DOCK4: variants seen among roughly 807,000 people sequenced by gnomAD.
DOCK4 encodes the protein dedicator of cytokinesis 4.
DOCK4 carries 97 observed loss-of-function variants against 268.1 expected under a neutral mutation model. The observed-to-expected ratio is 0.36, with a 90% CI of 0.31 to 0.43. The LOEUF is 0.43. DOCK4 is among the 20% of genes least tolerant of loss of function. The pLI, the probability that DOCK4 is intolerant of heterozygous loss-of-function variation, is 1.00. For missense variants in DOCK4, 2,145 were observed against 2,455.7 expected (o/e 0.87, Z 2.67); for synonymous variants, 954 against 887.2 (o/e 1.08, Z -1.34).
intron 1 of DOCK4, among the ~76,000 whole-genome samples, chr7:112,184,443 C>T (rs182493969): frequency 3.3e-5 from 5 of 152,318 alleles, no homozygotes; most frequent in Non-Finnish European, 7.3e-5. Context: ...CACCCAGGGG[C>T]ATTACAGTTT....
At chr7:112,031,710 T>C (rs1442996981) in intron 1 of DOCK4, among the ~76,000 whole-genome samples, 2 of 152,206 alleles carry the variant, frequency 1.3e-5, no homozygotes, top group African/African-American at 4.8e-5. Flanking sequence ...TTCAAATTAA[T>C]CTTATTGCCA....
chr7:111,951,756 C>T (rs1185997902), intron 8 of DOCK4, among the ~76,000 whole-genome samples: 2 of 151,590 alleles, frequency 1.3e-5, no homozygotes, highest in Non-Finnish European at 2.9e-5. Flanking sequence ...CCCAGCTACA[C>T]AGAAGGCTGA....
Position 112,050,646 on chromosome 7 carries a change from G to C in DOCK4, c.38-46515C>G, listed in dbSNP as rs1586721201. ...TTGGATTTCATTGAAGAGTCTGACA[G>C]AGAGAGAGAGAGAGATAGCAAGCGT... On this transcript the variant is annotated intron_variant, in intron 1 of 52. Transcript: ENST00000428084. Among the ~76,000 whole-genome samples the C allele has an allele frequency of 5.3e-5, 8 of 150,412 alleles. No homozygotes were observed. In the South Asian group the frequency reaches 1.7e-3, roughly 31 times the overall value.
chr7:111,783,857 C>T lies in DOCK4; in HGVS notation c.3524G>A (p.Arg1175Lys). ...TRLMERLLDY[R>K]DCMKMGEVDG... ...CAGAAAAACATGCGACTTGGCTTACCTGTAATCTAACAACCTCTCCATTAG... is the reference window on the plus strand; with the variant it reads ...CAGAAAAACATGCGACTTGGCTTACTTGTAATCTAACAACCTCTCCATTAG... Residue 1175 changes from arginine to lysine, a missense_variant and splice_region_variant, in exon 34 of 53, where the codon AGG (arginine) becomes AAG (lysine). Transcript: ENST00000428084. 3 of 1,597,542 alleles carry T rather than the reference C, an allele frequency of 1.9e-6. No individual in the cohort carries two copies. The highest frequency in any genetic ancestry group is 2.3e-5 in the South Asian group (2 of 88,104).
chr7:111,933,587 A>C (rs1014633088), intron 12 of DOCK4, among the ~76,000 whole-genome samples: 1 of 151,900 alleles, frequency 6.6e-6, no homozygotes, highest in African/African-American at 2.4e-5. Context: ...GAGCCACCGC[A>C]CCCAGCCGAG....
chr7:112,166,217 C>T (rs1817597855), intron 1 of DOCK4, among the ~76,000 whole-genome samples: 1 of 152,006 alleles, frequency 6.6e-6, no homozygotes, highest in African/African-American at 2.4e-5. Flanking sequence ...TAGAACTATG[C>T]CATTAAAGAA....
chr7:112,074,821 A>T (rs1305628511), intron 1 of DOCK4, among the ~76,000 whole-genome samples: 1 of 152,142 alleles, frequency 6.6e-6, no homozygotes, highest in African/African-American at 2.4e-5. Context: ...GCCCACAGGG[A>T]TCATCTTCTG....
intron 8 of DOCK4, among the ~76,000 whole-genome samples, chr7:111,946,994 T>A (rs1795673731): frequency 6.6e-6 from 1 of 152,198 alleles, no homozygotes; most frequent in South Asian, 2.1e-4. Context: ...CTTCAAATTT[T>A]AACTGAATTT....
chr7:111,916,717 C>T (rs557238874), intron 12 of DOCK4, among the ~76,000 whole-genome samples: 1 of 152,272 alleles, frequency 6.6e-6, no homozygotes, highest in South Asian at 2.1e-4. Context: ...TGTATGCATA[C>T]TCCAAAGATA....
chr7:111,868,349 G>GA (rs952167864), intron 21 of DOCK4, among the ~76,000 whole-genome samples, 195 bp from the exon 22 acceptor site: 27 of 151,726 alleles, frequency 1.8e-4, no homozygotes, highest in Middle Eastern at 3.2e-3. Flanking sequence ...CCTAATGAGA[G>GA]AAAAAAAATT....
chr7:111,736,864 A>T (rs1563428641), intron 50 of DOCK4, 53 bp downstream of exon 50: 1 of 1,480,686 alleles, frequency 6.8e-7, no homozygotes, highest in South Asian at 1.2e-5. Context: ...GGAGAACATG[A>T]GGATAAAACA....
chr7:111,850,893 C>T (rs1408741588), intron 23 of DOCK4, among the ~76,000 whole-genome samples: 1 of 152,176 alleles, frequency 6.6e-6, no homozygotes, highest in African/African-American at 2.4e-5. Flanking sequence ...TCACACAAAG[C>T]CTGTTTGGTG....
intron 27 of DOCK4, among the ~76,000 whole-genome samples, chr7:111,817,706 T>A (rs1386726618): frequency 6.6e-6 from 1 of 152,192 alleles, no homozygotes; most frequent in Non-Finnish European, 1.5e-5. Context: ...TTAGCACCAA[T>A]ATTTCTGTCT....
At chr7:112,203,008 C>T (rs1163426517) in intron 1 of DOCK4, among the ~76,000 whole-genome samples, 1 of 152,102 alleles carries the variant, frequency 6.6e-6, no homozygotes, top group African/African-American at 2.4e-5. Flanking sequence ...GTGTCTCTGT[C>T]ATAGCAGTCT....
At chr7:111,928,600 T>C (rs1353434322) in intron 12 of DOCK4, among the ~76,000 whole-genome samples, 1 of 150,290 alleles carries the variant, frequency 6.7e-6, no homozygotes, top group Non-Finnish European at 1.5e-5. Flanking sequence ...TTTTTTTTTT[T>C]TTTTTAAGAT....
chr7:112,168,253 T>C (rs1216356750), intron 1 of DOCK4, among the ~76,000 whole-genome samples: 1 of 152,234 alleles, frequency 6.6e-6, no homozygotes, highest in African/African-American at 2.4e-5. Flanking sequence ...ATGTCTTTCA[T>C]TTGGACTACA....
At chr7:112,159,343 C>A (rs1371837818) in intron 1 of DOCK4, among the ~76,000 whole-genome samples, 1 of 151,908 alleles carries the variant, frequency 6.6e-6, no homozygotes. Flanking sequence ...GTCCCTCAAC[C>A]CTTCTCATCC....
At position 111,735,043 on chromosome 7, in the gene DOCK4, C is replaced by T. The variant is rs757801430; in HGVS notation, c.5419+11G>A. ...TATAAAAGTGATCATTCAAATTCTT[C>T]AAATACCCACCAGTCTGTGTGGGTC... On this transcript the variant is annotated intron_variant, in intron 51 of 52. Transcript: ENST00000428084. The T allele has an allele frequency of 6.4e-7, 1 of 1,554,012 alleles. No individual in the cohort carries two copies. The highest frequency in any genetic ancestry group is 1.2e-5 in the South Asian group (1 of 85,002).
intron 20 of DOCK4, among the ~76,000 whole-genome samples, chr7:111,871,387 T>C (rs545820658): frequency 2.1e-4 from 32 of 152,304 alleles, no homozygotes; most frequent in African/African-American, 7.0e-4. Flanking sequence ...AAGCATAATA[T>C]TATTCATAAC....
Sources: allele counts gnomAD v4.1 joint callset (sites outside exome capture counted in the v4.1 genomes callset), GRCh38; gene constraint gnomAD v4.1.1; transcripts MANE v1.5; gene names NCBI Gene and HGNC (gene_info 2026-07-23, HGNC 2026-07-21).